The following TENM2 variants were observed in gnomAD, a reference collection of about 807,000 sequenced individuals.
TENM2 encodes teneurin transmembrane protein 2.
A neutral mutation model predicts 245.2 loss-of-function variants in TENM2; 52 were observed. The ratio of observed to expected loss-of-function variants is 0.21; its 90% CI spans 0.17 to 0.27. The LOEUF (loss-of-function observed/expected upper bound fraction) is 0.27. Among genes scored for constraint, TENM2 ranks in the 10% least tolerant of loss-of-function variants. The probability of loss-of-function intolerance (pLI) is 1.00; values close to 1 mark genes in which losing one functional copy is unlikely to be tolerated. For missense variants in TENM2, 3,046 were observed against 3,666.8 expected, an observed-to-expected ratio of 0.83 and a Z score of 4.37; for synonymous variants, 1,363 against 1,438.9, an observed-to-expected ratio of 0.95 and a Z score of 1.19.
At chr5:167,593,255 G>A (rs1775994071) in intron 2 of TENM2, among the ~76,000 whole-genome samples, 1 of 152,148 alleles carries the variant, frequency 6.6e-6, no homozygotes, top group African/African-American at 2.4e-5. Context: ...ATGACTTTGA[G>A]TTTTAATCGA....
At chr5:167,383,489 G>A (rs979445205) in intron 2 of TENM2, among the ~76,000 whole-genome samples, 3 of 152,040 alleles carry the variant, frequency 2.0e-5, no homozygotes, top group East Asian at 1.9e-4. Flanking sequence ...GAACCAGTTC[G>A]AATCTGTCAG....
chr5:168,090,758 C>T, exon 8 of TENM2: 1 of 1,613,594 alleles, frequency 6.2e-7, no homozygotes, highest in East Asian at 2.2e-5. Flanking sequence ...TCCTTCAATA[C>T]TGTTGTCCTA....
chr5:167,165,859 A>G, the TENM2 span, among the ~76,000 whole-genome samples: 1 of 152,206 alleles, frequency 6.6e-6, no homozygotes, highest in Non-Finnish European at 1.5e-5. Flanking sequence ...AGAGGAATAA[A>G]GTCTACCAAT....
At chr5:168,170,011 T>C (rs1385519024) in intron 13 of TENM2, among the ~76,000 whole-genome samples, 1 of 152,212 alleles carries the variant, frequency 6.6e-6, no homozygotes. Context: ...GCTGGGTCTC[T>C]CTTCTTTAGG....
chr5:168,120,989 A>G (rs906842871), intron 10 of TENM2, among the ~76,000 whole-genome samples: 1 of 152,196 alleles, frequency 6.6e-6, no homozygotes, highest in East Asian at 1.9e-4. Flanking sequence ...AGGAGTTGAC[A>G]TATTAGTTTA....
At chr5:167,430,294 G>A (rs575539655) in intron 2 of TENM2, among the ~76,000 whole-genome samples, 2 of 152,190 alleles carry the variant, frequency 1.3e-5, no homozygotes, top group African/African-American at 4.8e-5. Flanking sequence ...TGGCCATCAC[G>A]ATCAATCAAA....
intron 2 of TENM2, among the ~76,000 whole-genome samples, chr5:167,390,822 A>T (rs981479232): frequency 1.3e-5 from 2 of 152,140 alleles, no homozygotes; most frequent in Non-Finnish European, 2.9e-5. Context: ...TATGGCTATG[A>T]ACAACAAGGC....
intron 2 of TENM2, among the ~76,000 whole-genome samples, chr5:167,545,799 C>T (rs987596025): frequency 2.0e-5 from 3 of 152,172 alleles, no homozygotes; most frequent in East Asian, 1.9e-4. Context: ...ATCTACTGCA[C>T]AGGCTGTTGG....
intron 2 of TENM2, among the ~76,000 whole-genome samples, chr5:167,744,747 C>T (rs1761437245): frequency 6.6e-6 from 1 of 152,044 alleles, no homozygotes; most frequent in Non-Finnish European, 1.5e-5. Context: ...GGGGAAATGG[C>T]AGGTTTTAAT....
the TENM2 span, among the ~76,000 whole-genome samples, chr5:167,257,516 G>A: frequency 6.6e-6 from 1 of 151,688 alleles, no homozygotes; most frequent in African/African-American, 2.4e-5. Flanking sequence ...AGAAAGAAAA[G>A]GACCAAATAA....
At chr5:167,896,086 G>A (rs927097609) in intron 3 of TENM2, among the ~76,000 whole-genome samples, 1 of 152,262 alleles carries the variant, frequency 6.6e-6, no homozygotes, top group African/African-American at 2.4e-5. Flanking sequence ...AGGTCAGGCA[G>A]TCTGATAGAT....
intron 2 of TENM2, among the ~76,000 whole-genome samples, chr5:167,728,489 G>A (rs1760186590): frequency 8.1e-6 from 1 of 123,676 alleles, no homozygotes; most frequent in Non-Finnish European, 1.6e-5. Flanking sequence ...GCGTGCCTAT[G>A]GTCCCAACTA....
rs17069589 is a variant in TENM2, at chr5:168,011,736, G to A, written c.1186+18554G>A. 2.0e-3 allele frequency among the ~76,000 whole-genome samples: 309 copies of A among 152,160 alleles called. 7 individuals are homozygous for A. In the East Asian group the frequency reaches 0.048, roughly 24 times the overall value. On this transcript the variant is annotated intron_variant, in intron 5 of 28. Coordinates refer to ENST00000518659, the Ensembl canonical transcript of TENM2. ...ACTGAACTGGTCAGCTCTATGCAGC[G>A]TAAACAGGGTTCAACTGAAGAGGTA...
chr5:167,971,657 C>T (rs1185519492), intron 4 of TENM2, among the ~76,000 whole-genome samples: 1 of 152,018 alleles, frequency 6.6e-6, no homozygotes, highest in African/African-American at 2.4e-5. Flanking sequence ...GCCAAGATCG[C>T]GCCACTGCAC....
intron 2 of TENM2, among the ~76,000 whole-genome samples, chr5:167,633,974 G>A (rs1024358594): frequency 2.0e-5 from 3 of 152,116 alleles, no homozygotes; most frequent in Admixed American, 6.6e-5. Flanking sequence ...TGAGCAACTG[G>A]TTTGTTTCTG....
Position 167,501,471 on chromosome 5 carries a change from T to C in TENM2, c.502+125998T>C, listed in dbSNP as rs572182863. On this transcript the variant is annotated intron_variant, in intron 2 of 28. Transcript: ENST00000518659. ...CCCTTTCATGCTTTGGTGACTTGTT[T>C]ATGTTGATTGTAATGTTGGCAGAGA... Among the ~76,000 whole-genome samples the C allele has an allele frequency of 2.6e-5, 4 of 152,322 alleles. No individual in the cohort carries two copies. The South Asian group carries it at 8.3e-4, about 32-fold the overall frequency.
chr5:168,230,824 A>ATATT (rs1764817747), intron 25 of TENM2: 2 of 152,222 alleles, frequency 1.3e-5, no homozygotes, highest in African/African-American at 2.4e-5. Flanking sequence ...GGAGAAGACA[A>ATATT]TATTAGTAGT....
chr5:168,176,254 C>T lies in TENM2; in HGVS notation c.2569+13497C>T, dbSNP rs146129034. On this transcript the variant is annotated intron_variant, in intron 13 of 28. Transcript: ENST00000518659. ...AGCCTTGCCAGGGCCTCTCATCTCCCGTAGCATGGCACCCAGGTTGCCGCA... is the reference window on the plus strand; with the variant it reads ...AGCCTTGCCAGGGCCTCTCATCTCCTGTAGCATGGCACCCAGGTTGCCGCA... 8.1e-3 allele frequency among the ~76,000 whole-genome samples: 1,226 copies of T among 152,298 alleles called. 8 individuals are homozygous for T. Among genetic ancestry groups the T allele is most frequent in the Non-Finnish European group, 0.013 (869 of 68,022 alleles).
At chr5:167,333,818 A>G (rs1458307864) in intron 1 of TENM2, among the ~76,000 whole-genome samples, 1 of 152,194 alleles carries the variant, frequency 6.6e-6, no homozygotes, top group African/African-American at 2.4e-5. Flanking sequence ...AGATTTAGAG[A>G]ATCTACATCA....
Sources: gnomAD v4.1 joint callset for allele counts (sites outside exome capture counted in the v4.1 genomes callset) on GRCh38, gnomAD v4.1.1 for gene constraint, MANE v1.5 for transcripts, NCBI Gene and HGNC (gene_info 2026-07-23, HGNC 2026-07-21) for gene names.